The following ANKFY1 variants were observed in gnomAD, a reference collection of about 807,000 sequenced individuals.
The protein encoded by ANKFY1 is ankyrin repeat and FYVE domain containing 1, also known as ankyrin repeat and FYVE domain-containing protein 1.
ANKFY1 carries 47 observed loss-of-function variants against 128.3 expected under a neutral mutation model. The ratio of observed to expected loss-of-function variants is 0.37; its 90% CI spans 0.29 to 0.47. The LOEUF (loss-of-function observed/expected upper bound fraction) is 0.47. ANKFY1 is among the 20% of genes least tolerant of loss of function. The pLI is 1.00. For synonymous variants in ANKFY1, 553 were observed against 601.6 expected, an observed-to-expected ratio of 0.92 and a Z score of 1.18; for missense variants, 1,222 against 1,510.6, an observed-to-expected ratio of 0.81 and a Z score of 3.17.
chr17:4,172,467 C>T (rs891381394), intron 22 of ANKFY1, 89 bp downstream of exon 22: 8 of 1,535,784 alleles, frequency 5.2e-6, no homozygotes, highest in Non-Finnish European at 7.0e-6. Flanking sequence ...GCTGAACGCC[C>T]TCAGATAACG....
intron 4 of ANKFY1, among the ~76,000 whole-genome samples, chr17:4,210,389 C>G (rs148721127): frequency 6.6e-6 from 1 of 152,242 alleles, no homozygotes; most frequent in East Asian, 1.9e-4. Context: ...ATACGAGGCT[C>G]TATGCTCAAT....
intron 11 of ANKFY1, among the ~76,000 whole-genome samples, chr17:4,185,936 TC>T (rs2059603685): frequency 6.6e-6 from 1 of 152,156 alleles, no homozygotes; most frequent in African/African-American, 2.4e-5. Flanking sequence ...CCTGCTTGTA[TC>T]AATCTCATCT....
chr17:4,220,716 C>T (rs765783123), intron 3 of ANKFY1, among the ~76,000 whole-genome samples: 11 of 152,118 alleles, frequency 7.2e-5, no homozygotes, highest in Non-Finnish European at 1.3e-4. Flanking sequence ...GTGACTCAGA[C>T]GAAGCAGCCA....
At chr17:4,223,422 C>A in intron 3 of ANKFY1, 1 of 1,412,752 alleles carries the variant, frequency 7.1e-7, no homozygotes, top group Non-Finnish European at 1.0e-6. Context: ...AAAGACCTGG[C>A]TGCTAGGAAC....
At position 4,207,966 on chromosome 17, in the gene ANKFY1, C is replaced by T. The variant is rs912700873; in HGVS notation, c.699G>A (p.Val233=). ...CCATTTCAATCAGATACAGGAAGAC[C>T]ACGTCTTCTCTCTCCACTTTGATGG... ...HKAIKVERED[V]VFLYLIEMDS... is the part of the protein sequence containing the mutation. The change falls in exon 6 of 25, where the codon GTG becomes GTA. Residue 233 remains valine (V), a synonymous_variant. Coordinates refer to ENST00000341657, the MANE Select transcript of ANKFY1 (RefSeq NM_001330063.2). 1.9e-6 allele frequency: 3 copies of T among 1,606,356 alleles called. No homozygotes were observed. In the African/African-American group the frequency reaches 4.0e-5, roughly 22 times the overall value.
At chr17:4,185,887 G>A (rs1031745286) in intron 11 of ANKFY1, among the ~76,000 whole-genome samples, 2 of 152,130 alleles carry the variant, frequency 1.3e-5, no homozygotes, top group Non-Finnish European at 2.9e-5. Context: ...CAGCCTTAAC[G>A]CTGTGGCCGT....
At chr17:4,215,370 T>A (rs2060204232) in intron 4 of ANKFY1, among the ~76,000 whole-genome samples, 1 of 151,906 alleles carries the variant, frequency 6.6e-6, no homozygotes, top group Non-Finnish European at 1.5e-5. Flanking sequence ...TTCCTGATGC[T>A]TACTATAAAA....
At chr17:4,259,088 T>G (rs1225925975) in intron 1 of ANKFY1, among the ~76,000 whole-genome samples, 2 of 152,114 alleles carry the variant, frequency 1.3e-5, no homozygotes, top group Admixed American at 6.5e-5. Flanking sequence ...TTAGGCGCTG[T>G]GGAAAAAGGC....
At position 4,194,982 on chromosome 17, in the gene ANKFY1, C is replaced by T. The variant is rs1038601808; in HGVS notation, c.1368G>A (p.Ala456=). ...TTCGGGAGGCACGTGCTTTACCTGT[C>T]GCCGTGTCAGGTGCGTCTGTGTGGC... The part of the protein sequence containing the change: ...RGSHTDAPDT[A]TGNCLLQRAA... The change falls in exon 10 of 25, where the codon GCG becomes GCA. Residue 456 remains alanine, a synonymous_variant. Coordinates refer to ENST00000341657, the MANE Select transcript of ANKFY1 (RefSeq NM_001330063.2). 1.6e-5 allele frequency: 26 copies of T among 1,614,072 alleles called. No homozygotes were observed. Among genetic ancestry groups the T allele is most frequent in the East Asian group, 4.5e-5 (2 of 44,896 alleles).
At chr17:4,218,980 A>T (rs1484026868) in intron 3 of ANKFY1, among the ~76,000 whole-genome samples, 1 of 152,180 alleles carries the variant, frequency 6.6e-6, no homozygotes, top group Non-Finnish European at 1.5e-5. Flanking sequence ...ACTACACACT[A>T]CACACATAGA....
In ANKFY1 at chr17:4,182,216, A is replaced by G. The variant is rs945634559; in HGVS notation, c.2086T>C (p.Leu696=). The G allele has an allele frequency of 3.8e-6, 6 of 1,576,576 alleles. No homozygotes were observed. The highest frequency in any genetic ancestry group is 4.3e-6 in the Non-Finnish European group (5 of 1,158,244). The change falls in exon 15 of 25, where the codon TTG becomes CTG. Residue 696 remains leucine, a synonymous_variant. Transcript: ENST00000341657. ...GCGATGTCCTCCAGATTGTTTGCCA[A>G]TGCAAGCCACAGCGGGGGGTTCCCC... ...EKGNPPLWLA[L]ANNLEDIAST...
intron 4 of ANKFY1, among the ~76,000 whole-genome samples, chr17:4,213,996 GA>G (rs1254456990): frequency 6.6e-6 from 1 of 152,018 alleles, no homozygotes; most frequent in Non-Finnish European, 1.5e-5. Context: ...CATTCCAGCA[GA>G]AAAAAACCTC....
chr17:4,239,664 G>A (rs1261641886), intron 2 of ANKFY1, among the ~76,000 whole-genome samples: 3 of 151,914 alleles, frequency 2.0e-5, no homozygotes, highest in African/African-American at 4.8e-5. Flanking sequence ...TCAACCTCCT[G>A]AGTAGCTGGG....
intron 1 of ANKFY1, among the ~76,000 whole-genome samples, chr17:4,250,752 C>T (rs150608048): frequency 3.3e-5 from 5 of 152,250 alleles, no homozygotes; most frequent in Non-Finnish European, 2.9e-5. Flanking sequence ...ACTGCAGCCT[C>T]GAACTCCTAG....
chr17:4,170,804 G>T lies in ANKFY1; in HGVS notation c.3197C>A (p.Ser1066Ter). 1 of 1,614,198 alleles carries T rather than the reference G, an allele frequency of 6.2e-7. No homozygotes were observed. The highest frequency in any genetic ancestry group is 2.2e-5 in the East Asian group (1 of 44,878). The change falls in exon 23 of 25, where the codon TCG (serine) becomes TAG (stop). Residue 1066 changes from serine to a stop codon, truncating the protein, a stop_gained. Coordinates refer to ENST00000341657, the MANE Select transcript of ANKFY1 (RefSeq NM_001330063.2). LOFTEE classifies it high-confidence loss of function. ...NANLCRAIVR[S>*]GARLGVNNNQ... The stretch of plus-strand genomic sequence containing the variant: ...GTTATTCACCCCGAGGCGAGCCCCC[G>T]ACCGGACGATGGCGCGGCACAAGTT...
intron 5 of ANKFY1, 82 bp from the exon 6 acceptor site, chr17:4,208,164 A>T: frequency 7.2e-7 from 1 of 1,393,420 alleles, no homozygotes; most frequent in Non-Finnish European, 9.7e-7. Flanking sequence ...TCTCAAATGC[A>T]TCAGTCAGGC....
In ANKFY1 at chr17:4,181,767, A is replaced by ATATCACACT. The variant is rs2059521043; in HGVS notation, c.2122-404_2122-396dup. ...AAACCTCCAGGTGCACAACGCCTTCATATCACACTGCAGGCCCTTCGGAGA... is the reference window on the plus strand; with the variant it reads ...AAACCTCCAGGTGCACAACGCCTTCATATCACACTTATCACACTGCAGGCCCTTCGGAGA... On this transcript the variant is annotated intron_variant, in intron 15 of 24. Coordinates refer to ENST00000341657, the MANE Select transcript of ANKFY1 (RefSeq NM_001330063.2). The surrounding 1 kb of genome is among the most constrained non-coding windows in gnomAD (Gnocchi z 4.9). 6.6e-6 allele frequency among the ~76,000 whole-genome samples: 1 copy of ATATCACACT among 152,216 alleles called. No homozygotes were observed. Among genetic ancestry groups the ATATCACACT allele is most frequent in the African/African-American group, 2.4e-5 (1 of 41,456 alleles).
At chr17:4,263,608 C>G in intron 1 of ANKFY1, 1 of 1,534,972 alleles carries the variant, frequency 6.5e-7, no homozygotes, top group Non-Finnish European at 8.7e-7. Context: ...CCCCGGCGTC[C>G]CGGCACCGCC....
chr17:4,214,957 A>G (rs1302176562), intron 4 of ANKFY1, among the ~76,000 whole-genome samples: 1 of 152,166 alleles, frequency 6.6e-6, no homozygotes, highest in Non-Finnish European at 1.5e-5. Context: ...AAGGAGAAAA[A>G]GATTAACTGT....
Sources: gnomAD v4.1 joint callset for allele counts (sites outside exome capture counted in the v4.1 genomes callset) on GRCh38, gnomAD v4.1.1 for gene constraint, Gnocchi (gnomAD v3.1) non-coding constraint, MANE v1.5 for transcripts, NCBI Gene and HGNC (gene_info 2026-07-23, HGNC 2026-07-21) for gene names.